ADSS1: variants seen among roughly 807,000 people sequenced by gnomAD.
The protein encoded by ADSS1 is adenylosuccinate synthetase isozyme 1.
ADSS1 carries 57 observed loss-of-function variants against 59.1 expected under a neutral mutation model. The observed-to-expected ratio is 0.97, with a 90% confidence interval of 0.78 to 1.20. The LOEUF (loss-of-function observed/expected upper bound fraction) is 1.20. Ranked by LOEUF, ADSS1 falls within the 50% of genes most tolerant of loss-of-function variation. The pLI is 0.00. For synonymous variants in ADSS1, 247 were observed against 249.4 expected (o/e 0.99, Z 0.09); for missense variants, 603 against 610.3 (o/e 0.99, Z 0.13).
chr14:104,726,014 C>G (rs897193334), intron 1 of ADSS1, among the ~76,000 whole-genome samples: 2 of 152,194 alleles, frequency 1.3e-5, no homozygotes, highest in African/African-American at 4.8e-5. Flanking sequence ...CCCGCTCACT[C>G]GCAGCTGCAC....
At chr14:104,728,486 T>C (rs1271898447) in intron 1 of ADSS1, among the ~76,000 whole-genome samples, 1 of 151,806 alleles carries the variant, frequency 6.6e-6, no homozygotes, top group Non-Finnish European at 1.5e-5. Context: ...AACAATTCCT[T>C]TGGGTTGAAG....
At chr14:104,743,558 T>C (rs575144851) in intron 10 of ADSS1, 3 of 233,712 alleles carry the variant, frequency 1.3e-5, no homozygotes, top group African/African-American at 6.6e-5. Flanking sequence ...TGTTGAGGCA[T>C]CCGCTCTGCA....
rs1372239834 is a variant in ADSS1, at chr14:104,729,929, C to G, written c.193-5091C>G. On this transcript the variant is annotated intron_variant, in intron 1 of 12. Transcript: ENST00000330877. ...GAGCTGTGGGGTGGCAACCCAGAGG[C>G]AAGGAGGTGGGCAGAGGCCCACGAA... The G allele has an allele frequency of 6.4e-7, 1 of 1,554,710 alleles. No homozygotes were observed. The highest frequency in any genetic ancestry group is 8.7e-7 in the Non-Finnish European group (1 of 1,148,730).
intron 1 of ADSS1, among the ~76,000 whole-genome samples, chr14:104,730,868 C>T (rs1890900434): frequency 6.7e-6 from 1 of 150,370 alleles, no homozygotes; most frequent in Admixed American, 6.7e-5. Context: ...ATGGAGAGAG[C>T]CTCTTTTCCT....
rs1364406652 is a variant in ADSS1 at position 104,746,308 on chromosome 14, G to A, written c.1244G>A (p.Gly415Asp). 1 of 1,613,706 alleles carries A rather than the reference G, an allele frequency of 6.2e-7. No homozygotes were observed. Among genetic ancestry groups the A allele is most frequent in the African/African-American group, 1.3e-5 (1 of 74,910 alleles). Residue 415 changes from glycine to aspartate, a missense_variant, in exon 12 of 13, where the codon GGC becomes GAC. Physicochemically the swap from Gly to Asp is moderately conservative, Grantham distance 94. Coordinates refer to ENST00000330877, the MANE Select transcript of ADSS1 (RefSeq NM_152328.5). ...TLPGWKADTT[G>D]ARRWEDLPPQ... ...CCTGGGTGGAAAGCAGACACCACAG[G>A]CGCCAGGAGGTGGGAGGACCTGCCC... is the stretch of plus-strand genomic sequence containing the variant.
At chr14:104,738,593 C>T (rs1004329783) in intron 3 of ADSS1, among the ~76,000 whole-genome samples, 155 bp downstream of exon 3, 1 of 152,236 alleles carries the variant, frequency 6.6e-6, no homozygotes, top group Non-Finnish European at 1.5e-5. Context: ...CGGCTCTACC[C>T]GCGCAGAAAG....
intron 1 of ADSS1, chr14:104,730,166 C>G (rs1890869644): frequency 1.9e-5 from 29 of 1,538,122 alleles, no homozygotes; most frequent in Non-Finnish European, 2.5e-5. Context: ...CACCTGCCTG[C>G]CCAGGAGGAC....
intron 1 of ADSS1, among the ~76,000 whole-genome samples, chr14:104,726,244 C>T (rs779483447): frequency 7.6e-4 from 116 of 152,370 alleles, no homozygotes; most frequent in African/African-American, 2.7e-3. Context: ...AGAGCTCCTT[C>T]ACAGGGGAAC....
chr14:104,741,191 C>T lies in ADSS1; in HGVS notation c.741C>T (p.Pro247=). 1 of 1,612,186 alleles carries T rather than the reference C, an allele frequency of 6.2e-7. No individual in the cohort carries two copies. ...YFMYEALHGP[P]KKILVEGANA... is the part of the protein sequence containing the mutation. ...TGTATGAGGCACTCCACGGCCCCCC[C>T]AAGAAGATCCTGGTGGAGGGTGCCA... Residue 247 remains proline, a synonymous_variant, in exon 8 of 13, where the codon CCC becomes CCT. Coordinates refer to ENST00000330877, the MANE Select transcript of ADSS1 (RefSeq NM_152328.5).
intron 4 of ADSS1, 70 bp from the exon 5 acceptor site, chr14:104,739,680 G>A: frequency 2.6e-6 from 4 of 1,538,058 alleles, no homozygotes; most frequent in Non-Finnish European, 3.6e-6. Flanking sequence ...AGGAGGTGAG[G>A]TCCATGTATA....
At chr14:104,727,510 G>A (rs79412486) in intron 1 of ADSS1, among the ~76,000 whole-genome samples, 6 of 152,054 alleles carry the variant, frequency 3.9e-5, no homozygotes, top group African/African-American at 9.7e-5. Flanking sequence ...CCTGCTCTGC[G>A]GCCACATCAC....
intron 1 of ADSS1, among the ~76,000 whole-genome samples, chr14:104,725,429 C>T (rs1397523434): frequency 6.6e-6 from 1 of 152,192 alleles, no homozygotes; most frequent in Admixed American, 6.5e-5. Context: ...GTCCCTTCTC[C>T]GGGTTCTGTG....
chr14:104,741,080 C>A, intron 7 of ADSS1, 37 bp from the exon 8 acceptor site: 1 of 1,586,322 alleles, frequency 6.3e-7, no homozygotes, highest in Non-Finnish European at 8.6e-7. Flanking sequence ...CTGCCCCAGG[C>A]CACAGGCTCA....
At chr14:104,730,554 T>TATAG (rs917176070) in intron 1 of ADSS1, among the ~76,000 whole-genome samples, 2 of 152,164 alleles carry the variant, frequency 1.3e-5, no homozygotes, top group African/African-American at 2.4e-5. Context: ...CCCTGGAGAC[T>TATAG]ATAGATAGAT....
At chr14:104,741,685 C>G (rs1205007780) in intron 8 of ADSS1, among the ~76,000 whole-genome samples, 163 bp from the exon 9 acceptor site, 2 of 152,240 alleles carry the variant, frequency 1.3e-5, no homozygotes, top group African/African-American at 4.8e-5. Context: ...CACACAGCAC[C>G]CATTCGGCCA....
At chr14:104,743,332 A>T in intron 10 of ADSS1, 141 bp downstream of exon 10, 1 of 1,277,900 alleles carries the variant, frequency 7.8e-7, no homozygotes, top group Non-Finnish European at 1.1e-6. Flanking sequence ...CCTTCCACAA[A>T]GCACGGCCCA....
intron 9 of ADSS1, among the ~76,000 whole-genome samples, chr14:104,742,208 C>T (rs1278683415): frequency 6.6e-6 from 1 of 152,266 alleles, no homozygotes; most frequent in Non-Finnish European, 1.5e-5. Context: ...ACGGCCACAG[C>T]ACGTGAGCTC....
chr14:104,728,329 C>T (rs999099647), intron 1 of ADSS1, among the ~76,000 whole-genome samples: 3 of 152,084 alleles, frequency 2.0e-5, no homozygotes, highest in Non-Finnish European at 4.4e-5. Flanking sequence ...GTTACTGGGC[C>T]GTGGCTCCAG....
intron 1 of ADSS1, among the ~76,000 whole-genome samples, chr14:104,732,725 AGGC>A (rs1890975050): frequency 6.6e-6 from 1 of 152,166 alleles, no homozygotes; most frequent in South Asian, 2.1e-4. Context: ...CCCCCCGCCC[AGGC>A]GGGGCTGTGT....
Sources: allele counts gnomAD v4.1 joint callset (sites outside exome capture counted in the v4.1 genomes callset), GRCh38; gene constraint gnomAD v4.1.1; transcripts MANE v1.5; gene names NCBI Gene and HGNC (gene_info 2026-07-23, HGNC 2026-07-21).